The following FGF14 variants were observed in gnomAD, a reference collection of about 807,000 sequenced individuals.
The protein encoded by FGF14 is fibroblast growth factor homologous factor 4.
Under a neutral mutation model 25.5 loss-of-function variants are expected in FGF14, and 5 were observed. The ratio of observed to expected loss-of-function variants is 0.20; its 90% CI spans 0.10 to 0.41. The LOEUF (loss-of-function observed/expected upper bound fraction) is 0.41. FGF14 is among the 10% of genes least tolerant of loss of function. The pLI, the probability that FGF14 is intolerant of heterozygous loss-of-function variation, is 1.00. For missense variants in FGF14, 222 were observed against 320.1 expected (o/e 0.69, Z 2.34); for synonymous variants, 138 against 118.3 (o/e 1.17, Z -1.08).
At chr13:102,142,495 C>T (rs1566738726) in intron 1 of FGF14, among the ~76,000 whole-genome samples, 1 of 152,006 alleles carries the variant, frequency 6.6e-6, no homozygotes, top group Non-Finnish European at 1.5e-5. Flanking sequence ...ATAACTATGA[C>T]TAGGTTTTGA....
chr13:102,179,673 C>A (rs965330074), intron 1 of FGF14, among the ~76,000 whole-genome samples: 11 of 152,206 alleles, frequency 7.2e-5, no homozygotes, highest in African/African-American at 2.6e-4. Flanking sequence ...AGTAGCAGAT[C>A]CCAAATTTAA....
chr13:101,773,475 C>T (rs991753391), intron 3 of FGF14, among the ~76,000 whole-genome samples: 1 of 151,666 alleles, frequency 6.6e-6, no homozygotes, highest in African/African-American at 2.4e-5. Context: ...TGGACAGAAA[C>T]TGAGAGGAAG....
intron 1 of FGF14, among the ~76,000 whole-genome samples, chr13:102,046,513 T>C (rs1049922523): frequency 3.9e-5 from 6 of 152,174 alleles, no homozygotes; most frequent in African/African-American, 1.2e-4. Flanking sequence ...TGAGTATAGC[T>C]ACCCAGGGTT....
intron 1 of FGF14, among the ~76,000 whole-genome samples, chr13:102,075,400 C>A (rs1227719541): frequency 2.0e-5 from 3 of 152,002 alleles, no homozygotes; most frequent in African/African-American, 7.2e-5. Flanking sequence ...AGACAGTGGC[C>A]CTATAAGATT....
At position 102,221,740 on chromosome 13, in the gene FGF14, T is replaced by G. The variant is rs61457364; in HGVS notation, c.208+179731A>C. Among the ~76,000 whole-genome samples, 675 of 152,292 alleles carry G rather than the reference T, an allele frequency of 4.4e-3. 2 individuals carry two copies. Among genetic ancestry groups the G allele is most frequent in the African/African-American group, 0.015 (638 of 41,556 alleles). On this transcript the variant is annotated intron_variant, in intron 1 of 4. Transcript: ENST00000376131. ...AGTCATGTTGAAGTTCAATTGCAAA[T>G]GTAGAATTACAGTGCAATAAACATT...
chr13:101,734,085 T>C (rs944164724), intron 3 of FGF14, among the ~76,000 whole-genome samples: 1 of 152,068 alleles, frequency 6.6e-6, no homozygotes, highest in African/African-American at 2.4e-5. Context: ...CAGGGACCAG[T>C]AGCAACTTCA....
At chr13:102,208,227 GAA>G (rs1190154661) in intron 1 of FGF14, among the ~76,000 whole-genome samples, 1 of 152,168 alleles carries the variant, frequency 6.6e-6, no homozygotes, top group African/African-American at 2.4e-5. Flanking sequence ...TCTGTAATCA[GAA>G]AGCAATGCTG....
intron 1 of FGF14, among the ~76,000 whole-genome samples, chr13:102,204,609 C>T (rs761574248): frequency 6.6e-6 from 1 of 151,986 alleles, no homozygotes; most frequent in Non-Finnish European, 1.5e-5. Context: ...TGCAGTGGTG[C>T]GGTCGTGGCT....
At chr13:102,314,997 A>G (rs757719246) in intron 1 of FGF14, among the ~76,000 whole-genome samples, 47 of 149,962 alleles carry the variant, frequency 3.1e-4, no homozygotes, top group Non-Finnish European at 5.3e-4. Flanking sequence ...ATATTAATGT[A>G]TAATAAAAGA....
intron 3 of FGF14, among the ~76,000 whole-genome samples, chr13:101,819,267 G>A (rs1198494985): frequency 6.6e-6 from 1 of 152,128 alleles, no homozygotes; most frequent in East Asian, 1.9e-4. Context: ...AAGAAAAGAA[G>A]GGAAAGGAGA....
chr13:102,364,276 G>A (rs539271607), intron 1 of FGF14, among the ~76,000 whole-genome samples: 2 of 152,346 alleles, frequency 1.3e-5, no homozygotes, highest in East Asian at 3.9e-4. Flanking sequence ...CACCACGCTT[G>A]AGGTTTAAGA....
chr13:102,377,561 C>A (rs1449501589), intron 1 of FGF14, among the ~76,000 whole-genome samples: 1 of 152,180 alleles, frequency 6.6e-6, no homozygotes, highest in Non-Finnish European at 1.5e-5. Context: ...GTAATCCCAG[C>A]ACTTTGGGAG....
At chr13:101,847,096 A>C (rs190085589) in intron 3 of FGF14, among the ~76,000 whole-genome samples, 1 of 152,148 alleles carries the variant, frequency 6.6e-6, no homozygotes, top group East Asian at 1.9e-4. Flanking sequence ...ACTTCTACCT[A>C]GCCAACTTTG....
At chr13:101,974,910 T>C (rs1479575773) in intron 1 of FGF14, among the ~76,000 whole-genome samples, 4 of 151,946 alleles carry the variant, frequency 2.6e-5, no homozygotes, top group Admixed American at 2.0e-4. Flanking sequence ...ATGTGATGGG[T>C]AAAGAAGCCA....
chr13:102,311,652 C>T (rs961412640), intron 1 of FGF14, among the ~76,000 whole-genome samples: 3 of 152,070 alleles, frequency 2.0e-5, no homozygotes, highest in African/African-American at 7.2e-5. Flanking sequence ...TCAGGCAAAG[C>T]AAAGGGCTTA....
chr13:102,112,981 C>T (rs370011401), intron 1 of FGF14, among the ~76,000 whole-genome samples: 2 of 152,176 alleles, frequency 1.3e-5, no homozygotes, highest in Non-Finnish European at 2.9e-5. Flanking sequence ...CATATTTCTA[C>T]AGAAAAGGTC....
At chr13:102,084,290 C>T (rs1026327700) in intron 1 of FGF14, among the ~76,000 whole-genome samples, 2 of 152,088 alleles carry the variant, frequency 1.3e-5, no homozygotes, top group Non-Finnish European at 2.9e-5. Context: ...TATTCTTGCC[C>T]TACTAGAATA....
chr13:102,192,194 T>C (rs1473281886), intron 1 of FGF14, among the ~76,000 whole-genome samples: 1 of 152,214 alleles, frequency 6.6e-6, no homozygotes, highest in Non-Finnish European at 1.5e-5. Context: ...GGGTCACTAC[T>C]TCATTTTCTT....
intron 1 of FGF14, among the ~76,000 whole-genome samples, chr13:102,132,784 G>A (rs1206524619): frequency 1.3e-5 from 2 of 152,124 alleles, no homozygotes; most frequent in Non-Finnish European, 2.9e-5. Flanking sequence ...GCCTCCCAAA[G>A]TTCTGGGATT....
Sources: gnomAD v4.1 joint callset for allele counts (sites outside exome capture counted in the v4.1 genomes callset) on GRCh38, gnomAD v4.1.1 for gene constraint, MANE v1.5 for transcripts, NCBI Gene and HGNC (gene_info 2026-07-23, HGNC 2026-07-21) for gene names.